EVI5L: variants seen among roughly 807,000 people sequenced by gnomAD.
EVI5L encodes ecotropic viral integration site 5 like, also known as EVI5-like protein.
EVI5L carries 30 observed loss-of-function variants against 106.1 expected under a neutral mutation model. The observed-to-expected ratio is 0.28, with a 90% confidence interval of 0.21 to 0.38. The LOEUF is 0.38. EVI5L is among the 10% of genes least tolerant of loss of function. The pLI is 1.00. For synonymous variants in EVI5L, 489 were observed against 483.3 expected (o/e 1.01, Z -0.15); for missense variants, 809 against 1,098.0 (o/e 0.74, Z 3.72).
At chr19:7,840,564 T>C (rs990005136) in intron 1 of EVI5L, among the ~76,000 whole-genome samples, 1 of 152,202 alleles carries the variant, frequency 6.6e-6, no homozygotes, top group African/African-American at 2.4e-5. Flanking sequence ...ACTATCTAAT[T>C]CTGGAACATT....
At position 7,857,202 on chromosome 19, in the gene EVI5L, G is replaced by A. The variant is rs1041931233; in HGVS notation, c.1233+78G>A. On this transcript the variant is annotated intron_variant, in intron 12 of 19. Coordinates refer to ENST00000538904, the MANE Select transcript of EVI5L (RefSeq NM_001159944.3). The surrounding 1 kb of genome is among the most constrained non-coding windows in gnomAD (Gnocchi z 4.5). ...ACCCTGCACATGACAGCCAGTAACC[G>A]CCTCTTCCCTGCCATTCTGCGGGCA... 6 of 1,525,570 alleles carry A rather than the reference G, an allele frequency of 3.9e-6. No homozygotes were observed. In the African/African-American group the frequency reaches 4.1e-5, roughly 11 times the overall value. 94.5% of individuals were successfully genotyped at this position (1,525,570 alleles called of 1,614,324 possible).
chr19:7,862,326 C>T (rs1265165149), intron 16 of EVI5L, 49 bp downstream of exon 16: 1 of 1,582,380 alleles, frequency 6.3e-7, no homozygotes, highest in Non-Finnish European at 8.6e-7. Flanking sequence ...GTGTCCGTGG[C>T]CAGCCCCTGA....
At chr19:7,851,381 C>A in intron 6 of EVI5L, 53 bp from the exon 7 acceptor site, 1 of 1,576,668 alleles carries the variant, frequency 6.3e-7, no homozygotes, top group Non-Finnish European at 8.6e-7. Flanking sequence ...CCAGCACCCC[C>A]CGGTGGGAGG....
In EVI5L at chr19:7,863,988, T is replaced by C; in HGVS notation, c.*286T>C. 1 of 413,802 alleles carries C rather than the reference T, an allele frequency of 2.4e-6. No homozygotes were observed. 25.6% of individuals were successfully genotyped at this position (413,802 alleles called of 1,614,324 possible). On this transcript the variant is annotated 3_prime_UTR_variant, in exon 20 of 20. Coordinates refer to ENST00000538904, the MANE Select transcript of EVI5L (RefSeq NM_001159944.3). This position sits in a 1 kb window ranked among gnomAD's most constrained non-coding sequence, Gnocchi z 7.7. ...GTGCCTGGAGGGGCTGACTGCTCTC[T>C]TAACAGGAGGGCAGAGGGCAGGGGA...
chr19:7,851,012 G>C (rs527643403), intron 6 of EVI5L, among the ~76,000 whole-genome samples: 2 of 138,252 alleles, frequency 1.4e-5, no homozygotes, highest in African/African-American at 2.6e-5. Flanking sequence ...GGCAGGTCAC[G>C]TAACAAGGTG....
chr19:7,844,964 G>A lies in EVI5L; in HGVS notation c.-47-1532G>A, dbSNP rs551577772. Among the ~76,000 whole-genome samples the A allele has an allele frequency of 4.9e-4, 75 of 152,292 alleles. 1 individual carries two copies. The highest frequency in any genetic ancestry group is 4.3e-4 in the Non-Finnish European group (29 of 68,020). On this transcript the variant is annotated intron_variant, in intron 1 of 19. Transcript: ENST00000538904. ...TGTAGGCCCTCAGGGGTTGGTTGGG[G>A]GCTGAGTTTGGGCTGTGGGAAGGTG...
At chr19:7,852,330 C>T (rs1979291372) in intron 8 of EVI5L, among the ~76,000 whole-genome samples, 1 of 152,188 alleles carries the variant, frequency 6.6e-6, no homozygotes, top group Non-Finnish European at 1.5e-5. Context: ...CGGTTGTGTC[C>T]GTGAACATGG....
chr19:7,858,495 C>T lies in EVI5L; in HGVS notation c.1374+164C>T. On this transcript the variant is annotated intron_variant, in intron 13 of 19. Transcript: ENST00000538904. The surrounding 1 kb of genome is among the most constrained non-coding windows in gnomAD (Gnocchi z 5.7). The stretch of plus-strand genomic sequence containing the variant: ...CCAGAGACAAGCGCAGATTCTCCCC[C>T]AGCAGCTCCACATTCTGAGACATCC... 1 of 842,412 alleles carries T rather than the reference C, an allele frequency of 1.2e-6. No individual in the cohort carries two copies. The highest frequency in any genetic ancestry group is 1.8e-6 in the Non-Finnish European group (1 of 560,854). 52.2% of individuals were successfully genotyped at this position (842,412 alleles called of 1,614,324 possible). A position where few individuals can be genotyped will look rare whatever the true frequency, so the allele number is the denominator to read the frequency against.
chr19:7,855,512 C>T (rs1434426446), intron 10 of EVI5L, among the ~76,000 whole-genome samples: 2 of 152,228 alleles, frequency 1.3e-5, no homozygotes, highest in Non-Finnish European at 2.9e-5. Flanking sequence ...TTGCTCTCAG[C>T]AGGTCATGGG....
Position 7,858,687 on chromosome 19 carries a change from C to T in EVI5L, c.1374+356C>T, listed in dbSNP as rs1209997730. 8 of 179,064 alleles carry T rather than the reference C, an allele frequency of 4.5e-5. No individual in the cohort carries two copies. In the East Asian group the frequency reaches 8.9e-4, roughly 20 times the overall value. The allele number at this position is 179,064 out of a possible 1,614,324, so 11.1% of individuals were successfully genotyped here. A position where few individuals can be genotyped will look rare whatever the true frequency, so the allele number is the denominator to read the frequency against. The stretch of plus-strand genomic sequence containing the variant: ...CCTTACGGAGGCTCTTGCCTGTCCC[C>T]AGGGTCTGAAGGATTGTTAGGTGTC... On this transcript the variant is annotated intron_variant, in intron 13 of 19. Transcript: ENST00000538904. The surrounding 1 kb of genome is among the most constrained non-coding windows in gnomAD (Gnocchi z 5.7).
intron 17 of EVI5L, 71 bp from the exon 18 acceptor site, chr19:7,862,901 C>A: frequency 8.6e-7 from 1 of 1,159,350 alleles, no homozygotes; most frequent in Non-Finnish European, 1.2e-6. Context: ...TCGCCCCTGC[C>A]CGCGGTCCCG....
At chr19:7,862,830 C>T in intron 17 of EVI5L, 142 bp from the exon 18 acceptor site, 1 of 456,854 alleles carries the variant, frequency 2.2e-6, no homozygotes, top group East Asian at 5.0e-5. Context: ...TGCCCGCGGT[C>T]CCGCCCCTGC....
rs1020941911 is a variant in EVI5L at position 7,862,550 on chromosome 19, G to A, written c.1947+16G>A. ...CGAGTGCAAGGTGCAGACCCCCGCG[G>A]CCCCGCCCTGCCCGTGGCACCGCCC... On this transcript the variant is annotated intron_variant, in intron 17 of 19. Transcript: ENST00000538904. 6 of 1,408,146 alleles carry A rather than the reference G, an allele frequency of 4.3e-6. No homozygotes were observed. Among genetic ancestry groups the A allele is most frequent in the Non-Finnish European group, 5.5e-6 (6 of 1,081,340 alleles). The allele number at this position is 1,408,146 out of a possible 1,614,324, so 87.2% of individuals were successfully genotyped here. A position where few individuals can be genotyped will look rare whatever the true frequency, so the allele number is the denominator to read the frequency against.
chr19:7,863,162 G>A lies in EVI5L; in HGVS notation c.2044-23G>A. On this transcript the variant is annotated intron_variant, in intron 18 of 19. Coordinates refer to ENST00000538904, the MANE Select transcript of EVI5L (RefSeq NM_001159944.3). The surrounding 1 kb of genome is among the most constrained non-coding windows in gnomAD (Gnocchi z 7.7). ...CCAGGCCCAGCATGGCACTGGCCCC[G>A]CGTGACCTGGCGCACCCCGCAGAGG... 1 of 1,548,908 alleles carries A rather than the reference G, an allele frequency of 6.5e-7. No individual in the cohort carries two copies. The highest frequency in any genetic ancestry group is 8.7e-7 in the Non-Finnish European group (1 of 1,146,580).
In EVI5L at chr19:7,863,038, C is replaced by G; in HGVS notation, c.2014C>G (p.Arg672Gly). Residue 672 changes from arginine (R) to glycine (G), a missense_variant, in exon 18 of 20, where the codon CGG (arginine) becomes GGG (glycine). Physicochemically the swap from Arg to Gly is moderately radical, Grantham distance 125. Transcript: ENST00000538904. This position sits in a 1 kb window ranked among gnomAD's most constrained non-coding sequence, Gnocchi z 7.7. ...ADSMAAVAEM[R>G]QRIAELEIQR... is the part of the protein sequence containing the mutation. The stretch of plus-strand genomic sequence containing the variant: ...CAGCATGGCTGCGGTGGCCGAGATG[C>G]GGCAGCGCATTGCCGAGCTGGAGAT... 1.3e-6 allele frequency: 2 copies of G among 1,574,224 alleles called. No homozygotes were observed. Among genetic ancestry groups the G allele is most frequent in the African/African-American group, 1.4e-5 (1 of 72,612 alleles).
intron 1 of EVI5L, among the ~76,000 whole-genome samples, chr19:7,831,700 C>G (rs1200317498): frequency 6.6e-6 from 1 of 152,258 alleles, no homozygotes; most frequent in Non-Finnish European, 1.5e-5. Flanking sequence ...ATGCCACCCC[C>G]TGGCGGGAAG....
Position 7,853,259 on chromosome 19 carries a change from C to T in EVI5L, c.1086-14C>T. ...AGGGCATGACAGTAACCACGGGGCCCTCCCGATCTGCAGGCTGGAGAAGGA... is the reference window on the plus strand; with the variant it reads ...AGGGCATGACAGTAACCACGGGGCCTTCCCGATCTGCAGGCTGGAGAAGGA... On this transcript the variant is annotated splice_polypyrimidine_tract_variant and intron_variant, in intron 9 of 19. Transcript: ENST00000538904. 1.2e-6 allele frequency: 2 copies of T among 1,613,886 alleles called. No individual in the cohort carries two copies. Among genetic ancestry groups the T allele is most frequent in the Non-Finnish European group, 1.7e-6 (2 of 1,179,948 alleles).
At chr19:7,843,431 AGAGT>A (rs1178095875) in intron 1 of EVI5L, among the ~76,000 whole-genome samples, 3 of 43,342 alleles carry the variant, frequency 6.9e-5, no homozygotes, top group East Asian at 5.5e-4. Context: ...GGGTGTGTCG[AGAGT>A]GTGTGTGTAT....
rs953379750 is a variant in EVI5L at position 7,845,925 on chromosome 19, C to T, written c.-47-571C>T. Among the ~76,000 whole-genome samples the T allele has an allele frequency of 6.6e-6, 1 of 152,202 alleles. No homozygotes were observed. The highest frequency in any genetic ancestry group is 6.5e-5 in the Admixed American group (1 of 15,286). The stretch of plus-strand genomic sequence containing the variant: ...CCTGGCTTCTCAACCCAAGGGGAGT[C>T]GACTCTTCTGGCCATTGGCAGCGCC... On this transcript the variant is annotated intron_variant, in intron 1 of 19. Coordinates refer to ENST00000538904, the MANE Select transcript of EVI5L (RefSeq NM_001159944.3). The surrounding 1 kb of genome is among the most constrained non-coding windows in gnomAD (Gnocchi z 4.0).
Sources: gnomAD v4.1 joint callset for allele counts (sites outside exome capture counted in the v4.1 genomes callset) on GRCh38, gnomAD v4.1.1 for gene constraint, Gnocchi (gnomAD v3.1) non-coding constraint, MANE v1.5 for transcripts, NCBI Gene and HGNC (gene_info 2026-07-23, HGNC 2026-07-21) for gene names.